MEF2A: variants seen among roughly 807,000 people sequenced by gnomAD.
MEF2A encodes the protein myocyte-specific enhancer factor 2A.
In MEF2A, 28 loss-of-function variants were observed where a neutral mutation model predicts 55.8. The ratio of observed to expected loss-of-function variants is 0.50; its 90% confidence interval spans 0.37 to 0.69. The LOEUF (loss-of-function observed/expected upper bound fraction) is 0.69, where lower values mean the gene tolerates loss of function less well. MEF2A is among the 30% of genes least tolerant of loss of function. The probability of loss-of-function intolerance (pLI) is 0.00; values close to 1 mark genes in which losing one functional copy is unlikely to be tolerated. For missense variants in MEF2A, 528 were observed against 626.2 expected (o/e 0.84, Z 1.67); for synonymous variants, 239 against 227.1 (o/e 1.05, Z -0.47).
At chr15:99,633,212 T>C in intron 3 of MEF2A, 39 bp downstream of exon 3, 1 of 1,399,594 alleles carries the variant, frequency 7.1e-7, no homozygotes, top group Non-Finnish European at 9.6e-7. Context: ...GATATGAATA[T>C]TCTTTTAAAA....
At chr15:99,680,716 A>G (rs1439831019) in intron 7 of MEF2A, among the ~76,000 whole-genome samples, 2 of 152,226 alleles carry the variant, frequency 1.3e-5, no homozygotes, top group African/African-American at 2.4e-5. Context: ...ATTTAAAACG[A>G]GCAAAAAATA....
chr15:99,587,783 T>A (rs1185152247), intron 1 of MEF2A, among the ~76,000 whole-genome samples: 1 of 152,206 alleles, frequency 6.6e-6, no homozygotes, highest in African/African-American at 2.4e-5. Context: ...ATAGTGATCT[T>A]GTATCCTATA....
At chr15:99,689,998 C>T (rs188525339) in intron 7 of MEF2A, among the ~76,000 whole-genome samples, 90 of 152,284 alleles carry the variant, frequency 5.9e-4, no homozygotes, top group Non-Finnish European at 1.2e-3. Flanking sequence ...ACGTGATTCT[C>T]AGAAGTGTCA....
chr15:99,689,588 C>T (rs918574071), intron 7 of MEF2A, among the ~76,000 whole-genome samples: 4 of 152,208 alleles, frequency 2.6e-5, no homozygotes, highest in African/African-American at 9.7e-5. Context: ...TCAAGTGATT[C>T]TCCTGCCTCA....
intron 4 of MEF2A, among the ~76,000 whole-genome samples, chr15:99,654,215 A>T (rs1179360512): frequency 6.6e-6 from 1 of 152,160 alleles, no homozygotes; most frequent in Non-Finnish European, 1.5e-5. Context: ...GTTATTTGAT[A>T]TTAGACTCTC....
intron 3 of MEF2A, 46 bp from the exon 4 acceptor site, chr15:99,645,515 G>GT: frequency 7.3e-7 from 1 of 1,374,280 alleles, no homozygotes; most frequent in Non-Finnish European, 1.0e-6. Context: ...CCATATTCAA[G>GT]TACTACTAAT....
Position 99,712,679 on chromosome 15 carries a change from C to T in MEF2A, c.1426C>T (p.His476Tyr). 6.4e-7 allele frequency: 1 copy of T among 1,560,052 alleles called. No homozygotes were observed. The highest frequency in any genetic ancestry group is 8.7e-7 in the Non-Finnish European group (1 of 1,151,838). Residue 476 changes from histidine (H) to tyrosine (Y), a missense_variant, in exon 12 of 12, where the codon CAT becomes TAT. By Grantham distance (83) the His-to-Tyr change is moderately conservative (BLOSUM62 2). Transcript: ENST00000557942. This position sits in a 1 kb window ranked among gnomAD's most constrained non-coding sequence, Gnocchi z 4.1. Reference protein sequence around the residue: ...SDREDPRGDFHSPIVLGRPPN... With the variant: ...SDREDPRGDFYSPIVLGRPPN... ...TCGGGAGGATCCACGGGGCGACTTC[C>T]ATTCTCCAATTGTGCTTGGCCGACC...
intron 8 of MEF2A, among the ~76,000 whole-genome samples, chr15:99,695,517 G>A (rs962807440): frequency 5.2e-5 from 7 of 135,316 alleles, no homozygotes; most frequent in Admixed American, 7.7e-5. Flanking sequence ...TGGTGAGAAA[G>A]CGTCAGTTAA....
At chr15:99,629,127 T>G (rs1030738524) in intron 2 of MEF2A, among the ~76,000 whole-genome samples, 8 of 152,230 alleles carry the variant, frequency 5.3e-5, no homozygotes, top group South Asian at 2.1e-4. Context: ...TAAATTTTTC[T>G]GGCTGCTTTT....
At chr15:99,606,433 A>G (rs1389041875) in intron 2 of MEF2A, among the ~76,000 whole-genome samples, 1 of 152,194 alleles carries the variant, frequency 6.6e-6, no homozygotes, top group African/African-American at 2.4e-5. Flanking sequence ...CAAAGTCACC[A>G]TTAAGAAAAG....
intron 8 of MEF2A, among the ~76,000 whole-genome samples, chr15:99,697,359 A>G (rs948317023): frequency 1.6e-4 from 25 of 152,136 alleles, no homozygotes; most frequent in African/African-American, 6.0e-4. Flanking sequence ...TACAAAAAAA[A>G]CTCCTCGGAC....
At chr15:99,678,798 A>G (rs1597095206) in intron 7 of MEF2A, 2 of 505,374 alleles carry the variant, frequency 4.0e-6, no homozygotes, top group East Asian at 3.0e-4. Flanking sequence ...AAACTTTGTG[A>G]ATCAAAAGCA....
intron 2 of MEF2A, among the ~76,000 whole-genome samples, chr15:99,602,653 G>GGTGT (rs773502316): frequency 0.089 from 3,976 of 44,454 alleles, 812 homozygotes; most frequent in Middle Eastern, 0.14. Context: ...ACATTCCTGG[G>GGTGT]GTGTGTGTGT....
chr15:99,694,752 G>A (rs1049910645), intron 8 of MEF2A, among the ~76,000 whole-genome samples: 2 of 152,294 alleles, frequency 1.3e-5, no homozygotes, highest in African/African-American at 4.8e-5. Context: ...ACTTTCTTAA[G>A]AGAAGGATAT....
Position 99,688,711 on chromosome 15 carries a change from C to G in MEF2A, c.671-1530C>G, listed in dbSNP as rs191241209. Among the ~76,000 whole-genome samples, 613 of 152,224 alleles carry G rather than the reference C, an allele frequency of 4.0e-3. 9 individuals carry two copies. Among genetic ancestry groups the G allele is most frequent in the African/African-American group, 0.013 (558 of 41,524 alleles). On this transcript the variant is annotated intron_variant, in intron 7 of 11. Coordinates refer to ENST00000557942, the MANE Select transcript of MEF2A (RefSeq NM_001319206.4). The stretch of plus-strand genomic sequence containing the variant: ...GGTGGAGCTTGCAGTGAGCCGAGAT[C>G]GCGCTGCTGCACTCCAGCCTGGGCA...
At chr15:99,575,087 C>T (rs2039394929) in intron 1 of MEF2A, among the ~76,000 whole-genome samples, 1 of 151,246 alleles carries the variant, frequency 6.6e-6, no homozygotes, top group Non-Finnish European at 1.5e-5. Context: ...TATTGTTGAA[C>T]CATTTGAGAG....
At chr15:99,692,421 T>C (rs1236895303) in intron 8 of MEF2A, among the ~76,000 whole-genome samples, 1 of 152,176 alleles carries the variant, frequency 6.6e-6, no homozygotes, top group Non-Finnish European at 1.5e-5. Context: ...TAGTTTTCCT[T>C]GAACTCATTA....
chr15:99,673,941 C>T (rs1357532894), intron 5 of MEF2A, among the ~76,000 whole-genome samples: 1 of 151,804 alleles, frequency 6.6e-6, no homozygotes, highest in Non-Finnish European at 1.5e-5. Context: ...TCAGATTTGA[C>T]ATATTAAGTT....
At chr15:99,629,657 A>C (rs2042620981) in intron 2 of MEF2A, among the ~76,000 whole-genome samples, 1 of 152,096 alleles carries the variant, frequency 6.6e-6, no homozygotes. Flanking sequence ...AAAGGAGAAA[A>C]AGGGAAAAAG....
Sources: gnomAD v4.1 joint callset for allele counts (sites outside exome capture counted in the v4.1 genomes callset) on GRCh38, gnomAD v4.1.1 for gene constraint, Gnocchi (gnomAD v3.1) non-coding constraint, MANE v1.5 for transcripts, NCBI Gene and HGNC (gene_info 2026-07-23, HGNC 2026-07-21) for gene names.